Variants in AMPD3 observed in about 807,000 individuals in gnomAD.
AMPD3 encodes adenosine monophosphate deaminase 3.
A neutral mutation model predicts 82.3 loss-of-function variants in AMPD3; 57 were observed. That is an observed-to-expected ratio of 0.69 (90% CI 0.56 to 0.86). AMPD3 has a LOEUF of 0.86. AMPD3 is among the 40% of genes least tolerant of loss of function. AMPD3 has a pLI of 0.00. For synonymous variants in AMPD3, 381 were observed against 394.7 expected, an observed-to-expected ratio of 0.97 and a Z score of 0.41; for missense variants, 870 against 1,003.8, an observed-to-expected ratio of 0.87 and a Z score of 1.80.
chr11:10,500,331 A>G, intron 11 of AMPD3, 82 bp downstream of exon 11: 1 of 1,538,636 alleles, frequency 6.5e-7, no homozygotes, highest in Non-Finnish European at 9.0e-7. Flanking sequence ...ACACACATGC[A>G]TGTGATCCTT....
intron 10 of AMPD3, chr11:10,497,803 C>T (rs944843385): frequency 2.6e-5 from 26 of 985,220 alleles, no homozygotes; most frequent in South Asian, 1.4e-4. Flanking sequence ...AGCTCACACT[C>T]GTGCGTGCTT....
At chr11:10,498,102 C>T (rs1849471992) in intron 10 of AMPD3, among the ~76,000 whole-genome samples, 1 of 152,236 alleles carries the variant, frequency 6.6e-6, no homozygotes, top group African/African-American at 2.4e-5. Context: ...GTACCCTGAA[C>T]CCCTATTCTA....
chr11:10,482,799 TATAGATGTGAGTC>T (rs1254331095), intron 4 of AMPD3, among the ~76,000 whole-genome samples: 1 of 152,164 alleles, frequency 6.6e-6, no homozygotes, highest in Non-Finnish European at 1.5e-5. Flanking sequence ...GTGCTGGGAT[TATAGATGTGAGTC>T]ACTGCGCCTG....
intron 11 of AMPD3, 37 bp downstream of exon 11, chr11:10,500,286 T>A: frequency 1.9e-6 from 3 of 1,612,302 alleles, no homozygotes; most frequent in Non-Finnish European, 2.5e-6. Flanking sequence ...CTTGGGTTCA[T>A]GTGTTAGTAC....
At chr11:10,500,758 C>A in intron 11 of AMPD3, 1 of 985,468 alleles carries the variant, frequency 1.0e-6, no homozygotes, top group Non-Finnish European at 1.2e-6. Flanking sequence ...CAGACTAAAT[C>A]CATGCATGCC....
chr11:10,485,185 T>C lies in AMPD3; in HGVS notation c.809+146T>C. ...CGCGGTTTCTCCTTTCCTCAGTGCTTTGCGGGTTTCTGCAACAGTTTTCCT... is the reference window on the plus strand; with the variant it reads ...CGCGGTTTCTCCTTTCCTCAGTGCTCTGCGGGTTTCTGCAACAGTTTTCCT... On this transcript the variant is annotated intron_variant, in intron 5 of 14. Coordinates refer to ENST00000396553, the MANE Select transcript of AMPD3 (RefSeq NM_001025389.2). 4 of 762,090 alleles carry C rather than the reference T, an allele frequency of 5.2e-6. No homozygotes were observed. In the South Asian group the frequency reaches 6.4e-5, roughly 12 times the overall value. 47.2% of individuals were successfully genotyped at this position (762,090 alleles called of 1,614,324 possible).
chr11:10,450,800 G>T, upstream of AMPD3: 2 of 1,179,252 alleles, frequency 1.7e-6, no homozygotes, highest in Non-Finnish European at 2.1e-6. Flanking sequence ...CGGCTGGCCG[G>T]CTTCCTCCCT....
Position 10,494,895 on chromosome 11 carries a change from T to G in AMPD3, c.1135-4T>G. ...GCGTTGATTGGTGTGGTCTCCCCCC[T>G]CAGGGCCGGCAGACATTCCACCGCT... On this transcript the variant is annotated splice_region_variant and splice_polypyrimidine_tract_variant and intron_variant, in intron 7 of 14. Coordinates refer to ENST00000396553, the MANE Select transcript of AMPD3 (RefSeq NM_001025389.2). 1 of 1,613,634 alleles carries G rather than the reference T, an allele frequency of 6.2e-7. No homozygotes were observed. The highest frequency in any genetic ancestry group is 1.1e-5 in the South Asian group (1 of 91,066).
chr11:10,471,766 A>T (rs1165843096), intron 2 of AMPD3, among the ~76,000 whole-genome samples: 9 of 152,266 alleles, frequency 5.9e-5, no homozygotes, highest in Non-Finnish European at 1.3e-4. Flanking sequence ...CACGCCAGTT[A>T]GAATGGCGAT....
intron 11 of AMPD3, 22 bp downstream of exon 11, chr11:10,500,271 A>G: frequency 6.2e-7 from 1 of 1,613,990 alleles, no homozygotes; most frequent in Non-Finnish European, 8.5e-7. Context: ...CTGCCCTCGC[A>G]CATGCTTGGG....
At chr11:10,502,047 C>T (rs2133943083) in intron 12 of AMPD3, 1 of 985,322 alleles carries the variant, frequency 1.0e-6, no homozygotes, top group South Asian at 4.7e-5. Context: ...TTGACTCAAC[C>T]AGTCCACACT....
intron 1 of AMPD3, among the ~76,000 whole-genome samples, chr11:10,457,712 T>C (rs1848138702): frequency 2.0e-5 from 3 of 152,108 alleles, no homozygotes; most frequent in African/African-American, 7.2e-5. Context: ...CTGGCCAACA[T>C]GGTGAAACCC....
At position 10,478,564 on chromosome 11, in the gene AMPD3, C is replaced by G. The variant is rs752656041; in HGVS notation, c.260C>G (p.Ser87Cys). The change falls in exon 3 of 15, where the codon TCT becomes TGT. Residue 87 changes from serine to cysteine, a missense_variant. Transcript: ENST00000396553. The part of the protein sequence containing the change: ...SFKMIRSQSL[S>C]LQMPPQQDWK... ...AAGATGATTCGGTCCCAGTCCCTGT[C>G]TCTGCAAATGCCGCCACAGCAAGAT... 3 of 1,614,226 alleles carry G rather than the reference C, an allele frequency of 1.9e-6. No homozygotes were observed. The highest frequency in any genetic ancestry group is 4.5e-5 in the East Asian group (2 of 44,884).
upstream of AMPD3, among the ~76,000 whole-genome samples, chr11:10,451,313 A>T (rs1847957017): frequency 6.6e-6 from 1 of 152,218 alleles, no homozygotes; most frequent in South Asian, 2.1e-4. Context: ...TGGAATCGCA[A>T]GGTTTAGAGA....
rs1354041475 is a variant in AMPD3, at chr11:10,486,398, A to T, written c.810-837A>T. Reference sequence around the variant, plus strand: ...AGCGTGAATTGTGGTCGAAGGTTCCATGCGGCTGTGGATGCAGGTGTGTGG... The same window carrying T: ...AGCGTGAATTGTGGTCGAAGGTTCCTTGCGGCTGTGGATGCAGGTGTGTGG... On this transcript the variant is annotated intron_variant, in intron 5 of 14. Transcript: ENST00000396553. 2.6e-5 allele frequency among the ~76,000 whole-genome samples: 4 copies of T among 152,278 alleles called. No individual in the cohort carries two copies. The South Asian group carries it at 6.2e-4, about 24-fold the overall frequency.
In AMPD3 at chr11:10,472,544, G is replaced by C. The variant is rs181038323; in HGVS notation, c.222-5982G>C. ...TCCCTAGAATGTTTTGAGTGAAATT[G>C]AGAAACATATGTGCTTTATGAATTG... On this transcript the variant is annotated intron_variant, in intron 2 of 14. Transcript: ENST00000396553. Among the ~76,000 whole-genome samples the C allele has an allele frequency of 3.1e-3, 465 of 152,298 alleles. 6 individuals carry two copies. The highest frequency in any genetic ancestry group is 0.01 in the African/African-American group (432 of 41,558).
upstream of AMPD3, among the ~76,000 whole-genome samples, chr11:10,454,423 A>T (rs1848036513): frequency 6.6e-6 from 1 of 152,186 alleles, no homozygotes; most frequent in Admixed American, 6.5e-5. Flanking sequence ...ACAAGATATT[A>T]ATAGGTGTTT....
At chr11:10,462,793 A>G (rs1848309947) in intron 2 of AMPD3, among the ~76,000 whole-genome samples, 1 of 152,218 alleles carries the variant, frequency 6.6e-6, no homozygotes, top group Non-Finnish European at 1.5e-5. Context: ...AGGCCTCTCC[A>G]AGGAGATGAC....
At chr11:10,499,616 A>C (rs965393124) in intron 10 of AMPD3, 19 of 980,754 alleles carry the variant, frequency 1.9e-5, no homozygotes, top group Non-Finnish European at 2.3e-5. Context: ...GGTTGCTCTG[A>C]ATATGAATTA....
Sources: gnomAD v4.1 joint callset for allele counts (sites outside exome capture counted in the v4.1 genomes callset) on GRCh38, gnomAD v4.1.1 for gene constraint, MANE v1.5 for transcripts, NCBI Gene and HGNC (gene_info 2026-07-23, HGNC 2026-07-21) for gene names.